Variants in ZNF142 observed in about 807,000 individuals in gnomAD.
ZNF142 encodes zinc finger protein 142 (clone pHZ-49).
Under a neutral mutation model 132.1 loss-of-function variants are expected in ZNF142, and 96 were observed. The observed-to-expected ratio is 0.73, with a 90% CI of 0.62 to 0.86. The LOEUF is 0.86. ZNF142 is among the 40% of genes least tolerant of loss of function. The probability of loss-of-function intolerance (pLI) is 0.00; values close to 1 mark genes in which losing one functional copy is unlikely to be tolerated. For missense variants in ZNF142, 2,163 were observed against 2,336.2 expected, an observed-to-expected ratio of 0.93 and a Z score of 1.53; for synonymous variants, 842 against 890.1, an observed-to-expected ratio of 0.95 and a Z score of 0.96.
chr2:218,633,875 A>C lies in ZNF142; in HGVS notation c.*4464T>G. On this transcript the variant is annotated 3_prime_UTR_variant, in exon 11 of 11. Transcript: ENST00000411696. ...CAAGGTAGCTAAGGAGAGATGAAGG[A>C]GTTCAGAAACTCCTTAGAGCAGACA... 7.6e-7 allele frequency: 1 copy of C among 1,315,684 alleles called. No homozygotes were observed. The highest frequency in any genetic ancestry group is 1.1e-6 in the Non-Finnish European group (1 of 941,204). 81.5% of individuals were successfully genotyped at this position (1,315,684 alleles called of 1,614,324 possible).
At position 218,651,692 on chromosome 2, in the gene ZNF142, G is replaced by A. The variant is rs749401912; in HGVS notation, c.880+9C>T. The A allele has an allele frequency of 7.8e-7, 1 of 1,275,656 alleles. No individual in the cohort carries two copies. The highest frequency in any genetic ancestry group is 1.0e-6 in the Non-Finnish European group (1 of 981,578). 79.0% of individuals were successfully genotyped at this position (1,275,656 alleles called of 1,614,324 possible). On this transcript the variant is annotated intron_variant, in intron 5 of 10. Transcript: ENST00000411696. ...CAGGAGAGGAACTGCTTGGCCCTTG[G>A]CCTCATACCTGGCAGCAGCTCCTGG... is the stretch of plus-strand genomic sequence containing the variant.
Position 218,648,808 on chromosome 2 carries a change from G to A in ZNF142, c.1700C>T (p.Pro567Leu). The A allele has an allele frequency of 6.2e-7, 1 of 1,614,212 alleles. No homozygotes were observed. Among genetic ancestry groups the A allele is most frequent in the Non-Finnish European group, 8.5e-7 (1 of 1,180,024 alleles). Residue 567 changes from proline to leucine, a missense_variant, in exon 7 of 11, where the codon CCT (proline) becomes CTT (leucine). Around this residue, in one of 7 missense-constraint regions of ZNF142, gnomAD observed 749 missense variants for 830.3 expected, o/e 0.90. Coordinates refer to ENST00000411696, the MANE Select transcript of ZNF142 (RefSeq NM_001379659.1). ...LFRKHKKQGH[P>L]GSEELRCTFC... ...GGTGCAGCGCAGCTCTTCACTGCCA[G>A]GGTGGCCCTGCTTCTTGTGTTTACG...
Position 218,643,677 on chromosome 2 carries a change from T to C in ZNF142, c.3439A>G (p.Arg1147Gly), listed in dbSNP as rs1256929599. The change falls in exon 9 of 11, where the codon AGG becomes GGG. Residue 1147 changes from arginine (R) to glycine (G), a missense_variant. By Grantham distance (125) the Arg-to-Gly change is moderately radical. Transcript: ENST00000411696. ...GGCTCTTCTGTTTCTTCTGGCTCCCTGGGAAGCTCCAAAGGAGCATCTTTT... is the reference window on the plus strand; with the variant it reads ...GGCTCTTCTGTTTCTTCTGGCTCCCCGGGAAGCTCCAAAGGAGCATCTTTT... ...LPKDAPLELP[R>G]EPEETEEPLA... is the part of the protein sequence containing the mutation. 2.6e-6 allele frequency: 4 copies of C among 1,558,040 alleles called. No individual in the cohort carries two copies. In the South Asian group the frequency reaches 3.7e-5, roughly 14 times the overall value.
chr2:218,641,286 G>A (rs1487727842), intron 9 of ZNF142, among the ~76,000 whole-genome samples: 14 of 135,848 alleles, frequency 1.0e-4, no homozygotes, highest in African/African-American at 3.9e-4. Flanking sequence ...TCGCTGTGTC[G>A]CCCAGGCTGG....
At position 218,636,550 on chromosome 2, in the gene ZNF142, G is replaced by C. The variant is rs1245302181; in HGVS notation, c.*1789C>G. On this transcript the variant is annotated 3_prime_UTR_variant, in exon 11 of 11. Coordinates refer to ENST00000411696, the MANE Select transcript of ZNF142 (RefSeq NM_001379659.1). ...CCATCTTTGTGTATATCTGCATCCA[G>C]GAAGGCCTGGAGGGGGATGAGTCCT... 1 of 1,613,912 alleles carries C rather than the reference G, an allele frequency of 6.2e-7. No homozygotes were observed. Among genetic ancestry groups the C allele is most frequent in the African/African-American group, 1.3e-5 (1 of 74,934 alleles).
chr2:218,636,828 A>G lies in ZNF142; in HGVS notation c.*1511T>C, dbSNP rs956759686. The G allele has an allele frequency of 8.8e-6, 5 of 570,084 alleles. No homozygotes were observed. Among genetic ancestry groups the G allele is most frequent in the Non-Finnish European group, 1.7e-5 (5 of 301,660 alleles). The allele number at this position is 570,084 out of a possible 1,614,324, so 35.3% of individuals were successfully genotyped here. On this transcript the variant is annotated 3_prime_UTR_variant, in exon 11 of 11. Coordinates refer to ENST00000411696, the MANE Select transcript of ZNF142 (RefSeq NM_001379659.1). ...CCTGCCCTTTTCCTTTGTGTACTCT[A>G]TACTGGAGTTCCCTTCTTCCTCTTG... is the stretch of plus-strand genomic sequence containing the variant.
Position 218,642,514 on chromosome 2 carries a change from C to T in ZNF142, c.4602G>A (p.Gly1534=). 6.2e-7 allele frequency: 1 copy of T among 1,607,620 alleles called. No homozygotes were observed. The highest frequency in any genetic ancestry group is 8.5e-7 in the Non-Finnish European group (1 of 1,176,062). The change falls in exon 9 of 11, where the codon GGG becomes GGA. Residue 1534 remains glycine, a synonymous_variant. Coordinates refer to ENST00000411696, the MANE Select transcript of ZNF142 (RefSeq NM_001379659.1). The surrounding 1 kb of genome is among the most constrained non-coding windows in gnomAD (Gnocchi z 4.6). The part of the protein sequence containing the change: ...TEGPLHCSRC[G]LLCPSPASLR... ...AGCTGGCAGGGCTGGGGCACAGCAACCCACAGCGGGAACAGTGCAGGGGGC... is the reference window on the plus strand; with the variant it reads ...AGCTGGCAGGGCTGGGGCACAGCAATCCACAGCGGGAACAGTGCAGGGGGC...
chr2:218,656,694 T>C (rs1938541781), intron 3 of ZNF142, among the ~76,000 whole-genome samples: 1 of 152,112 alleles, frequency 6.6e-6, no homozygotes, highest in Non-Finnish European at 1.5e-5. Context: ...TATTGGCCAA[T>C]ATATTAATGA....
At chr2:218,645,308 C>G (rs538083353) in intron 8 of ZNF142, among the ~76,000 whole-genome samples, 1 of 152,270 alleles carries the variant, frequency 6.6e-6, no homozygotes, top group East Asian at 1.9e-4. Context: ...GCAGAGACAG[C>G]CTAGCTTCAG....
Position 218,636,461 on chromosome 2 carries a change from C to A in ZNF142, c.*1878G>T. The A allele has an allele frequency of 6.2e-7, 1 of 1,614,052 alleles. No individual in the cohort carries two copies. Among genetic ancestry groups the A allele is most frequent in the Non-Finnish European group, 8.5e-7 (1 of 1,179,902 alleles). ...CTGCCTTCCTAATGCTGTCCTCCTG[C>A]CCCTTCCAGGTTACCGCCACATTCA... On this transcript the variant is annotated 3_prime_UTR_variant, in exon 11 of 11. Coordinates refer to ENST00000411696, the MANE Select transcript of ZNF142 (RefSeq NM_001379659.1).
At chr2:218,641,104 A>T (rs1230543784) in intron 9 of ZNF142, among the ~76,000 whole-genome samples, 1 of 151,910 alleles carries the variant, frequency 6.6e-6, no homozygotes, top group Non-Finnish European at 1.5e-5. Flanking sequence ...CCAGCTAATT[A>T]AAAAAATTTA....
chr2:218,656,362 T>C lies in ZNF142; in HGVS notation c.68A>G (p.Glu23Gly). ...STGEMDGLCP[E>G]LLLIPPPLSN... Reference sequence around the variant, plus strand: ...GAGAGGCGGGGGGATCAGCAATAGCTCAGGGCACAGTCCATCCATCTCCCC... The same window carrying C: ...GAGAGGCGGGGGGATCAGCAATAGCCCAGGGCACAGTCCATCCATCTCCCC... The change falls in exon 4 of 11, where the codon GAG (glutamate) becomes GGG (glycine). Residue 23 changes from glutamate to glycine, a missense_variant. Around this residue, in one of 7 missense-constraint regions of ZNF142, gnomAD observed 195 missense variants for 172.4 expected, o/e 1.13. Coordinates refer to ENST00000411696, the MANE Select transcript of ZNF142 (RefSeq NM_001379659.1). The C allele has an allele frequency of 5.8e-6, 9 of 1,557,322 alleles. No homozygotes were observed. Among genetic ancestry groups the C allele is most frequent in the Non-Finnish European group, 7.9e-6 (9 of 1,145,706 alleles).
In ZNF142 at chr2:218,643,153, A is replaced by G. The variant is rs763836982; in HGVS notation, c.3963T>C (p.Thr1321=). The part of the protein sequence containing the change: ...FSCQQERALR[T]HQIRGCPLEE... ...CGAGGGGGCAGCCCCGGATCTGGTG[A>G]GTCCTCAGAGCCCGTTCCTGCTGGC... The change falls in exon 9 of 11, where the codon ACT becomes ACC. Residue 1321 remains threonine (T), a synonymous_variant. Coordinates refer to ENST00000411696, the MANE Select transcript of ZNF142 (RefSeq NM_001379659.1). 102 of 1,614,066 alleles carry G rather than the reference A, an allele frequency of 6.3e-5. 1 individual carries two copies. In the South Asian group the frequency reaches 1.1e-3, roughly 18 times the overall value.
At position 218,640,682 on chromosome 2, in the gene ZNF142, G is replaced by A; in HGVS notation, c.5176C>T (p.His1726Tyr). ...GACTCACCTGTATGCTTGGTCATGT[G>A]GTATTTCAGCTGGTTGACCCACTTG... ...KCKWVNQLKY[H>Y]MTKHTGLKPY... is the part of the protein sequence containing the mutation. The change falls in exon 10 of 11, where the codon CAC (histidine) becomes TAC (tyrosine). Residue 1726 changes from histidine to tyrosine, a missense_variant. Around this residue, in one of 7 missense-constraint regions of ZNF142, gnomAD observed 325 missense variants for 367.8 expected, o/e 0.88. Coordinates refer to ENST00000411696, the MANE Select transcript of ZNF142 (RefSeq NM_001379659.1). 1 of 1,614,138 alleles carries A rather than the reference G, an allele frequency of 6.2e-7. No individual in the cohort carries two copies.
rs941038280 is a variant in ZNF142, at chr2:218,659,263, T to C, written c.-362+106A>G. ...TCCCTTCAGTACCTCCTTCCGAGAG[T>C]TCCCAGCGCCCAGGCCCACCCTGAT... On this transcript the variant is annotated intron_variant, in intron 1 of 10. Coordinates refer to ENST00000411696, the MANE Select transcript of ZNF142 (RefSeq NM_001379659.1). This position sits in a 1 kb window ranked among gnomAD's most constrained non-coding sequence, Gnocchi z 4.4. The C allele has an allele frequency of 2.0e-5, 3 of 151,522 alleles. No individual in the cohort carries two copies. The highest frequency in any genetic ancestry group is 6.6e-5 in the Admixed American group (1 of 15,196). 9.4% of individuals were successfully genotyped at this position (151,522 alleles called of 1,614,324 possible). A position where few individuals can be genotyped will look rare whatever the true frequency, so the allele number is the denominator to read the frequency against.
At position 218,644,076 on chromosome 2, in the gene ZNF142, G is replaced by A; in HGVS notation, c.3040C>T (p.Gln1014Ter). 1 of 1,614,074 alleles carries A rather than the reference G, an allele frequency of 6.2e-7. No homozygotes were observed. The highest frequency in any genetic ancestry group is 8.5e-7 in the Non-Finnish European group (1 of 1,180,008). Residue 1014 changes from glutamine (Q) to a stop codon, truncating the protein, a stop_gained, in exon 9 of 11, where the codon CAA becomes TAA. Coordinates refer to ENST00000411696, the MANE Select transcript of ZNF142 (RefSeq NM_001379659.1). LOFTEE classifies it high-confidence loss of function. This position sits in a 1 kb window ranked among gnomAD's most constrained non-coding sequence, Gnocchi z 4.6. The stretch of plus-strand genomic sequence containing the variant: ...CCCTCTAGCACCAATGCCTCTGCTT[G>A]TTCTTTGTCCTGTCTCCTTAGGGCC... ...LKALRRQDKE[Q>*]AEALVLEGRV...
At chr2:218,646,824 T>C (rs1165585777) in intron 7 of ZNF142, among the ~76,000 whole-genome samples, 1 of 152,126 alleles carries the variant, frequency 6.6e-6, no homozygotes, top group East Asian at 1.9e-4. Flanking sequence ...TGACCTTAGG[T>C]GATCCGCCCG....
intron 4 of ZNF142, among the ~76,000 whole-genome samples, chr2:218,654,460 G>A (rs1490883317): frequency 1.3e-5 from 2 of 150,856 alleles, no homozygotes; most frequent in African/African-American, 4.9e-5. Context: ...TCCGCCTCTC[G>A]GGTTCAAGCA....
At chr2:218,646,889 A>G (rs572522324) in intron 7 of ZNF142, among the ~76,000 whole-genome samples, 2 of 152,014 alleles carry the variant, frequency 1.3e-5, no homozygotes, top group South Asian at 4.2e-4. Flanking sequence ...GCCCACCCCA[A>G]GCTTTTCAAA....
Sources: gnomAD v4.1 joint callset for allele counts (sites outside exome capture counted in the v4.1 genomes callset) on GRCh38, gnomAD v4.1.1 for gene constraint, gnomAD v4.1.1 regional missense constraint, Gnocchi (gnomAD v3.1) non-coding constraint, MANE v1.5 for transcripts, NCBI Gene and HGNC (gene_info 2026-07-23, HGNC 2026-07-21) for gene names.